Variants in RCAN1 observed in about 807,000 individuals in gnomAD.
RCAN1 encodes calcipressin-1.
In RCAN1, 11 loss-of-function variants were observed where a neutral mutation model predicts 22.9. The ratio of observed to expected loss-of-function variants is 0.48; its 90% CI spans 0.30 to 0.79. RCAN1 has a LOEUF of 0.79. RCAN1 is among the 30% of genes least tolerant of loss of function. The pLI is 0.06. For synonymous variants in RCAN1, 136 were observed against 142.3 expected (o/e 0.96, Z 0.32); for missense variants, 291 against 337.8 (o/e 0.86, Z 1.09).
chr21:34,592,809 G>A (rs754032209), intron 1 of RCAN1, among the ~76,000 whole-genome samples: 1 of 152,058 alleles, frequency 6.6e-6, no homozygotes, highest in Non-Finnish European at 1.5e-5. Flanking sequence ...ATGTTCTCTC[G>A]TGATTAACTC....
intron 1 of RCAN1, among the ~76,000 whole-genome samples, chr21:34,530,109 G>C (rs1985299659): frequency 6.6e-6 from 1 of 152,114 alleles, no homozygotes; most frequent in Non-Finnish European, 1.5e-5. Context: ...GACTAATATA[G>C]TCTCATTAGA....
chr21:34,544,695 C>G (rs1250806881), intron 1 of RCAN1, among the ~76,000 whole-genome samples: 1 of 152,210 alleles, frequency 6.6e-6, no homozygotes, highest in African/African-American at 2.4e-5. Context: ...TCTCAACGAG[C>G]CTTTGCTGAA....
At chr21:34,534,123 G>C in intron 1 of RCAN1, among the ~76,000 whole-genome samples, 1 of 152,154 alleles carries the variant, frequency 6.6e-6, no homozygotes, top group East Asian at 1.9e-4. Flanking sequence ...TCTGGTTTCT[G>C]TGTTCAGAAT....
At chr21:34,583,800 AAAGTT>A (rs1987701470) in intron 1 of RCAN1, among the ~76,000 whole-genome samples, 1 of 152,180 alleles carries the variant, frequency 6.6e-6, no homozygotes, top group South Asian at 2.1e-4. Context: ...ATGAGTTGAC[AAAGTT>A]AACCACAAGT....
intron 1 of RCAN1, among the ~76,000 whole-genome samples, chr21:34,530,590 T>G (rs1395087158): frequency 1.3e-5 from 2 of 151,370 alleles, no homozygotes; most frequent in Non-Finnish European, 2.9e-5. Flanking sequence ...TTTATTTCAG[T>G]TTTTTGCTTC....
intron 1 of RCAN1, among the ~76,000 whole-genome samples, chr21:34,533,477 A>G (rs1197443818): frequency 2.0e-5 from 3 of 152,212 alleles, no homozygotes; most frequent in East Asian, 1.9e-4. Flanking sequence ...CAAACCTTCA[A>G]TGACTTCCCT....
At chr21:34,570,117 T>A (rs1987182770) in intron 1 of RCAN1, among the ~76,000 whole-genome samples, 1 of 152,230 alleles carries the variant, frequency 6.6e-6, no homozygotes, top group Non-Finnish European at 1.5e-5. Flanking sequence ...TAAATCCCTA[T>A]ATAAATGCAG....
chr21:34,544,800 A>C (rs2079831298), intron 1 of RCAN1, among the ~76,000 whole-genome samples: 1 of 152,198 alleles, frequency 6.6e-6, no homozygotes, highest in Non-Finnish European at 1.5e-5. Context: ...GGGTTGGAGT[A>C]AAAGTCACAC....
At chr21:34,556,100 T>TAAATAAATAAA (rs1568906248) in intron 1 of RCAN1, among the ~76,000 whole-genome samples, 5 of 24,030 alleles carry the variant, frequency 2.1e-4, no homozygotes, top group African/African-American at 3.1e-4. Context: ...AAATAAATAA[T>TAAATAAATAAA]TAAAGGCCAA....
intron 1 of RCAN1, among the ~76,000 whole-genome samples, chr21:34,558,629 A>T (rs1986675538): frequency 2.2e-5 from 2 of 89,050 alleles, no homozygotes; most frequent in Admixed American, 2.1e-4. Flanking sequence ...ATCTCAAACA[A>T]CTTAACGTAT....
intron 1 of RCAN1, chr21:34,525,101 T>C (rs1329323733): frequency 1.0e-5 from 16 of 1,550,336 alleles, no homozygotes; most frequent in Non-Finnish European, 1.3e-5. Context: ...GGAGAACCTA[T>C]GGAAGGCGCA....
intron 1 of RCAN1, among the ~76,000 whole-genome samples, chr21:34,549,784 T>C (rs1430343243): frequency 6.6e-6 from 1 of 152,058 alleles, no homozygotes; most frequent in Non-Finnish European, 1.5e-5. Flanking sequence ...ACATTATCAG[T>C]TTATTCGTTT....
intron 1 of RCAN1, among the ~76,000 whole-genome samples, chr21:34,582,837 G>C (rs1050839868): frequency 2.6e-5 from 4 of 152,180 alleles, no homozygotes; most frequent in African/African-American, 7.2e-5. Flanking sequence ...GGTTTAGACA[G>C]GGGTGAGAGA....
chr21:34,534,081 G>C (rs1026380739), intron 1 of RCAN1, among the ~76,000 whole-genome samples: 1 of 152,210 alleles, frequency 6.6e-6, no homozygotes, highest in Non-Finnish European at 1.5e-5. Flanking sequence ...AGCATGGTCT[G>C]TTATGACATG....
At chr21:34,593,867 G>A (rs1198433376) in intron 1 of RCAN1, among the ~76,000 whole-genome samples, 1 of 152,210 alleles carries the variant, frequency 6.6e-6, no homozygotes, top group Non-Finnish European at 1.5e-5. Context: ...CTATGCCTGG[G>A]TGCCCACTGC....
chr21:34,572,330 G>A (rs1439983696), intron 1 of RCAN1, among the ~76,000 whole-genome samples: 1 of 152,084 alleles, frequency 6.6e-6, no homozygotes, highest in Non-Finnish European at 1.5e-5. Context: ...ACAGAATACT[G>A]GAGGCGCCTG....
chr21:34,530,616 GTTTTTT>G (rs59150851), intron 1 of RCAN1, among the ~76,000 whole-genome samples: 9 of 66,196 alleles, frequency 1.4e-4, no homozygotes, highest in East Asian at 1.2e-3. Flanking sequence ...TAGTGAAATA[GTTTTTT>G]TTTTTTTTTT....
At chr21:34,525,226 CG>C in intron 1 of RCAN1, 1 of 1,550,526 alleles carries the variant, frequency 6.4e-7, no homozygotes, top group Admixed American at 2.0e-5. Context: ...CATGGGGCTG[CG>C]GGTAGGAGCA....
intron 1 of RCAN1, among the ~76,000 whole-genome samples, chr21:34,529,031 C>T (rs909329898): frequency 3.3e-5 from 5 of 151,776 alleles, no homozygotes; most frequent in African/African-American, 7.3e-5. Context: ...AAATCTTTCA[C>T]TAGATTGCCC....
Sources: allele counts gnomAD v4.1 joint callset (sites outside exome capture counted in the v4.1 genomes callset), GRCh38; gene constraint gnomAD v4.1.1; transcripts MANE v1.5; gene names NCBI Gene and HGNC (gene_info 2026-07-23, HGNC 2026-07-21).